SYNJ2: variants seen among roughly 807,000 people sequenced by gnomAD.
The protein encoded by SYNJ2 is polyphosphatidylinositol phosphatase SYNJ2.
In SYNJ2, 116 loss-of-function variants were observed where a neutral mutation model predicts 141.3. The observed-to-expected ratio is 0.82, with a 90% CI of 0.71 to 0.96. The LOEUF (loss-of-function observed/expected upper bound fraction) is 0.96. Among genes scored for constraint, SYNJ2 ranks in the 40% least tolerant of loss-of-function variants. SYNJ2 has a pLI of 0.00. For synonymous variants in SYNJ2, 745 were observed against 777.7 expected (o/e 0.96, Z 0.70); for missense variants, 1,873 against 1,934.8 (o/e 0.97, Z 0.60).
At chr6:158,007,541 T>C (rs1778119486) in intron 1 of SYNJ2, among the ~76,000 whole-genome samples, 1 of 152,236 alleles carries the variant, frequency 6.6e-6, no homozygotes, top group Non-Finnish European at 1.5e-5. Flanking sequence ...CCATAACCAA[T>C]CTGTCCATGG....
intron 24 of SYNJ2, 83 bp downstream of exon 24, chr6:158,088,855 A>G (rs1381815426): frequency 2.8e-5 from 28 of 994,926 alleles, no homozygotes; most frequent in Non-Finnish European, 4.2e-5. Flanking sequence ...GAATATATAG[A>G]TTTATGTGTC....
Position 158,064,898 on chromosome 6 carries a change from CAGG to C in SYNJ2, c.1436_1438del (p.Glu479del). On this transcript the variant is annotated inframe_deletion, in exon 11 of 27. Transcript: ENST00000355585. ...GTCCAACTTCTTCGACGGGGTGAAG[CAGG>C]AGGCCATCAAGCTGCTGCTGGTTGG... 1 of 1,613,826 alleles carries C rather than the reference CAGG, an allele frequency of 6.2e-7. No individual in the cohort carries two copies. The highest frequency in any genetic ancestry group is 8.5e-7 in the Non-Finnish European group (1 of 1,179,900).
Position 158,051,792 on chromosome 6 carries a change from C to CAA in SYNJ2, c.796-3161_796-3160dup, listed in dbSNP as rs34963476. Among the ~76,000 whole-genome samples, 643 of 128,246 alleles carry CAA rather than the reference C, an allele frequency of 5.0e-3. 2 individuals are homozygous for CAA. The highest frequency in any genetic ancestry group is 0.011 in the African/African-American group (388 of 34,936). The allele number at this position is 128,246 out of a possible 152,430, so 84.1% of individuals were successfully genotyped here. A position where few individuals can be genotyped will look rare whatever the true frequency, so the allele number is the denominator to read the frequency against. On this transcript the variant is annotated intron_variant, in intron 5 of 26. Coordinates refer to ENST00000355585, the MANE Select transcript of SYNJ2 (RefSeq NM_003898.4). ...CGAAACCCCATCTCTACAAAAAATA[C>CAA]AAAAAAAAAAAAAAATAGCCAGGTG...
intron 2 of SYNJ2, chr6:158,028,376 GT>G (rs1779170741): frequency 4.6e-6 from 1 of 217,758 alleles, no homozygotes; most frequent in Non-Finnish European, 9.3e-6. Context: ...GGCTTTGGGG[GT>G]AGGTCCTGGG....
At chr6:158,060,089 C>T (rs982152715) in intron 7 of SYNJ2, among the ~76,000 whole-genome samples, 1 of 152,236 alleles carries the variant, frequency 6.6e-6, no homozygotes, top group Non-Finnish European at 1.5e-5. Flanking sequence ...GGCCTCAGGG[C>T]TCAGGAGCAG....
At chr6:157,987,338 T>A (rs754928453) in intron 1 of SYNJ2, among the ~76,000 whole-genome samples, 22 of 152,204 alleles carry the variant, frequency 1.4e-4, no homozygotes, top group Non-Finnish European at 2.4e-4. Flanking sequence ...CATATATGTG[T>A]ACAATGTGGA....
intron 8 of SYNJ2, among the ~76,000 whole-genome samples, chr6:158,062,653 C>T (rs985344087): frequency 4.6e-5 from 7 of 152,082 alleles, no homozygotes; most frequent in Non-Finnish European, 1.0e-4. Flanking sequence ...CCTCAGGTCA[C>T]ATGCAGGGGG....
intron 6 of SYNJ2, among the ~76,000 whole-genome samples, chr6:158,056,102 C>G (rs1279640754): frequency 6.6e-6 from 1 of 152,110 alleles, no homozygotes; most frequent in African/African-American, 2.4e-5. Context: ...AAACAAAAAA[C>G]AAAAATATTC....
chr6:158,070,821 T>C lies in SYNJ2; in HGVS notation c.1941-781T>C, dbSNP rs779511659. 6.6e-5 allele frequency among the ~76,000 whole-genome samples: 10 copies of C among 152,174 alleles called. No individual in the cohort carries two copies. The highest frequency in any genetic ancestry group is 1.2e-4 in the African/African-American group (5 of 41,432). On this transcript the variant is annotated intron_variant, in intron 14 of 26. Coordinates refer to ENST00000355585, the MANE Select transcript of SYNJ2 (RefSeq NM_003898.4). The surrounding 1 kb of genome is among the most constrained non-coding windows in gnomAD (Gnocchi z 4.0). The stretch of plus-strand genomic sequence containing the variant: ...TTTGAATGCAAGCAGGCTCTGGCAT[T>C]GCATAAAAGTCCTTTTGAGACCATC...
At chr6:158,016,962 C>A in intron 1 of SYNJ2, 1 of 1,203,584 alleles carries the variant, frequency 8.3e-7, no homozygotes, top group South Asian at 2.9e-5. Context: ...CCAGCTCCTC[C>A]AGCCCCCAGG....
Position 158,043,328 on chromosome 6 carries a change from GA to G in SYNJ2, c.725del (p.Asp242AlafsTer30), listed in dbSNP as rs1448487412. On this transcript the variant is annotated frameshift_variant, in exon 5 of 27. Coordinates refer to ENST00000355585, the MANE Select transcript of SYNJ2 (RefSeq NM_003898.4). LOFTEE classifies it high-confidence loss of function. The surrounding 1 kb of genome is among the most constrained non-coding windows in gnomAD (Gnocchi z 4.0). ...FVETEQMIYM[D>X]DGVSSFVQIR... ...CCTTGTGCCGCAGATGATTTACATG[GA>G]CGATGGAGTGTCATCTTTTGTCCAG... The G allele has an allele frequency of 6.2e-7, 1 of 1,613,972 alleles. No individual in the cohort carries two copies. The highest frequency in any genetic ancestry group is 8.5e-7 in the Non-Finnish European group (1 of 1,179,946).
intron 10 of SYNJ2, 34 bp from the exon 11 acceptor site, chr6:158,064,792 C>A (rs759689415): frequency 6.2e-7 from 1 of 1,611,094 alleles, no homozygotes; most frequent in Non-Finnish European, 8.5e-7. Context: ...CCCCAGGGAC[C>A]CCCCTCACGG....
intron 1 of SYNJ2, among the ~76,000 whole-genome samples, chr6:158,008,416 G>A (rs1174299107): frequency 6.6e-6 from 1 of 152,210 alleles, no homozygotes; most frequent in Non-Finnish European, 1.5e-5. Flanking sequence ...AAGTCCCCTG[G>A]AGGGCTCATT....
intron 2 of SYNJ2, among the ~76,000 whole-genome samples, chr6:158,022,450 C>T (rs1003532005): frequency 1.1e-4 from 16 of 152,224 alleles, no homozygotes; most frequent in Admixed American, 1.0e-3. Context: ...TGCCTAGGAC[C>T]TGCCACTGGC....
chr6:158,038,982 G>A (rs761706709), intron 4 of SYNJ2, among the ~76,000 whole-genome samples: 2 of 152,206 alleles, frequency 1.3e-5, no homozygotes, highest in African/African-American at 4.8e-5. Flanking sequence ...TGGGCCTGGT[G>A]GGGGGTCAGC....
intron 13 of SYNJ2, 35 bp from the exon 14 acceptor site, chr6:158,069,498 A>G: frequency 6.3e-7 from 1 of 1,594,592 alleles, no homozygotes; most frequent in South Asian, 1.1e-5. Flanking sequence ...ACTTCCAGCT[A>G]CCTGTAAACA....
intron 1 of SYNJ2, among the ~76,000 whole-genome samples, chr6:157,985,523 C>G (rs994966681): frequency 2.0e-5 from 3 of 152,176 alleles, no homozygotes; most frequent in Non-Finnish European, 2.9e-5. Context: ...GCCCCGTAGC[C>G]GGTACCAGCA....
chr6:158,059,330 G>A lies in SYNJ2; in HGVS notation c.931G>A (p.Glu311Lys). The A allele has an allele frequency of 1.9e-6, 3 of 1,550,688 alleles. No homozygotes were observed. The highest frequency in any genetic ancestry group is 2.6e-6 in the Non-Finnish European group (3 of 1,146,846). ...CCTTCTGGGAAGCAGAGGCGGAGAG[G>A]AGGTGCTCAACAGAGCCTTCAAGGT... ...VNLLGSRGGE[E>K]VLNRAFKKLL... Residue 311 changes from glutamate to lysine, a missense_variant, in exon 7 of 27, where the codon GAG becomes AAG. By Grantham distance (56) the Glu-to-Lys change is moderately conservative. Coordinates refer to ENST00000355585, the MANE Select transcript of SYNJ2 (RefSeq NM_003898.4).
intron 1 of SYNJ2, among the ~76,000 whole-genome samples, chr6:157,999,232 G>T (rs956308174): frequency 7.2e-5 from 11 of 152,240 alleles, no homozygotes; most frequent in Admixed American, 1.3e-4. Context: ...TTTGCACATG[G>T]TCACTGTTGG....
Sources: allele counts gnomAD v4.1 joint callset (sites outside exome capture counted in the v4.1 genomes callset), GRCh38; gene constraint gnomAD v4.1.1; non-coding constraint Gnocchi (gnomAD v3.1); transcripts MANE v1.5; gene names NCBI Gene and HGNC (gene_info 2026-07-23, HGNC 2026-07-21).